TAOK3: variants seen among roughly 807,000 people sequenced by gnomAD.
TAOK3 encodes the protein TAO kinase 3.
A neutral mutation model predicts 120.4 loss-of-function variants in TAOK3; 40 were observed. The ratio of observed to expected loss-of-function variants is 0.33; its 90% CI spans 0.26 to 0.43. TAOK3 has a LOEUF of 0.43. Among genes scored for constraint, TAOK3 ranks in the 20% least tolerant of loss-of-function variants. The pLI is 1.00. For synonymous variants in TAOK3, 355 were observed against 387.5 expected, an observed-to-expected ratio of 0.92 and a Z score of 0.99; for missense variants, 821 against 1,112.1, an observed-to-expected ratio of 0.74 and a Z score of 3.72.
chr12:118,235,446 G>T, intron 8 of TAOK3, 112 bp downstream of exon 8: 2 of 710,330 alleles, frequency 2.8e-6, no homozygotes, highest in Non-Finnish European at 2.4e-6. Flanking sequence ...ATGAAACCTC[G>T]TTTTGAGGCA....
Position 118,353,839 on chromosome 12 carries a change from T to C in TAOK3, c.-194+18809A>G, listed in dbSNP as rs531178291. On this transcript the variant is annotated intron_variant, in intron 1 of 20. Transcript: ENST00000392533. ...ATTAACACCCTGAAATTTTAAACAC[T>C]AAAAGTATATTCACAACGGCTAAAC... Among the ~76,000 whole-genome samples, 9 of 152,240 alleles carry C rather than the reference T, an allele frequency of 5.9e-5. No homozygotes were observed. In the East Asian group the frequency reaches 1.2e-3, roughly 20 times the overall value.
chr12:118,212,993 G>A lies in TAOK3; in HGVS notation c.740C>T (p.Thr247Ile). The change falls in exon 11 of 21, where the codon ACA becomes ATA. Residue 247 changes from threonine (T) to isoleucine (I), a missense_variant and splice_region_variant. Coordinates refer to ENST00000392533, the MANE Select transcript of TAOK3 (RefSeq NM_016281.4). ...DSPTLQSNEW[T>I]DSFRRFVDYC... The stretch of plus-strand genomic sequence containing the variant: ...ATCAACAAATCTCCTAAAGGAGTCT[G>A]TCCTGTGTGTGCAAATACACAAAAG... The A allele has an allele frequency of 1.9e-6, 3 of 1,599,718 alleles. No individual in the cohort carries two copies. Among genetic ancestry groups the A allele is most frequent in the Non-Finnish European group, 2.6e-6 (3 of 1,174,142 alleles).
At chr12:118,199,891 C>T (rs1012281472) in intron 12 of TAOK3, 2 of 152,218 alleles carry the variant, frequency 1.3e-5, no homozygotes, top group East Asian at 3.8e-4. Flanking sequence ...CATTACTGGC[C>T]CAAAGACTAC....
intron 7 of TAOK3, among the ~76,000 whole-genome samples, chr12:118,237,004 T>A (rs1268276954): frequency 6.6e-6 from 1 of 152,172 alleles, no homozygotes; most frequent in East Asian, 1.9e-4. Flanking sequence ...ACAAGCAAGT[T>A]GGCAGTAGTA....
chr12:118,260,241 G>A (rs893305744), intron 2 of TAOK3, among the ~76,000 whole-genome samples: 12 of 152,178 alleles, frequency 7.9e-5, no homozygotes, highest in Admixed American at 2.6e-4. Flanking sequence ...TGATCCTCCC[G>A]GCTCTGCCTC....
chr12:118,216,574 G>A (rs1362633343), intron 9 of TAOK3, among the ~76,000 whole-genome samples: 2 of 152,274 alleles, frequency 1.3e-5, no homozygotes, highest in South Asian at 2.1e-4. Flanking sequence ...AAAGAAACAA[G>A]GCTCTAGTTC....
chr12:118,304,963 T>C (rs1298743439), intron 1 of TAOK3, among the ~76,000 whole-genome samples: 1 of 152,178 alleles, frequency 6.6e-6, no homozygotes, highest in Non-Finnish European at 1.5e-5. Flanking sequence ...AAAGCAACCA[T>C]GGTTAAGAAC....
At position 118,257,095 on chromosome 12, in the gene TAOK3, A is replaced by G. The variant is rs145397616; in HGVS notation, c.-88-1440T>C. On this transcript the variant is annotated intron_variant, in intron 2 of 20. Transcript: ENST00000392533. Reference sequence around the variant, plus strand: ...TTACTGTCTTAATTTTATAGAACCAACTAAGACTTTGATGGGCTAAACTAC... The same window carrying G: ...TTACTGTCTTAATTTTATAGAACCAGCTAAGACTTTGATGGGCTAAACTAC... Among the ~76,000 whole-genome samples, 1,081 of 152,318 alleles carry G rather than the reference A, an allele frequency of 7.1e-3. 7 individuals are homozygous for G. Among genetic ancestry groups the G allele is most frequent in the Middle Eastern group, 0.017 (5 of 294 alleles).
rs1446681934 is a variant in TAOK3 at position 118,182,618 on chromosome 12, TA to T, written c.1330-1012del. On this transcript the variant is annotated intron_variant, in intron 14 of 20. Transcript: ENST00000392533. ...GTGTGTGTATATATATATATATATA[TA>T]TATATTTTTTTTTTTTTTTAAGGAT... Among the ~76,000 whole-genome samples, 285 of 94,288 alleles carry T rather than the reference TA, an allele frequency of 3.0e-3. 1 individual carries two copies. Among genetic ancestry groups the T allele is most frequent in the African/African-American group, 0.012 (260 of 20,970 alleles). 61.9% of individuals were successfully genotyped at this position (94,288 alleles called of 152,430 possible).
At chr12:118,208,652 C>T (rs1453873460) in intron 11 of TAOK3, among the ~76,000 whole-genome samples, 1 of 152,066 alleles carries the variant, frequency 6.6e-6, no homozygotes, top group African/African-American at 2.4e-5. Flanking sequence ...CAATATCTAT[C>T]TAAATTTAAA....
At chr12:118,223,280 C>T (rs1469646361) in intron 9 of TAOK3, among the ~76,000 whole-genome samples, 6 of 151,382 alleles carry the variant, frequency 4.0e-5, no homozygotes, top group African/African-American at 7.3e-5. Context: ...ACTGTGGTCT[C>T]GATCTCCTAA....
At chr12:118,264,589 G>A (rs963594557) in intron 2 of TAOK3, among the ~76,000 whole-genome samples, 2 of 152,154 alleles carry the variant, frequency 1.3e-5, no homozygotes, top group Non-Finnish European at 2.9e-5. Context: ...GGAGTAGGTA[G>A]GAGGGGCTAA....
Position 118,246,566 on chromosome 12 carries a change from C to A in TAOK3, c.121-1601G>T, listed in dbSNP as rs1027414735. 1.0e-5 allele frequency: 16 copies of A among 1,564,146 alleles called. No homozygotes were observed. In the Admixed American group the frequency reaches 2.5e-4, roughly 25 times the overall value. ...GGGCCATCATCCTGGCCAAGCTCTC[C>A]ATTGTCCCCGTGCGCAGAGGCTACT... On this transcript the variant is annotated intron_variant, in intron 3 of 20. Coordinates refer to ENST00000392533, the MANE Select transcript of TAOK3 (RefSeq NM_016281.4).
Position 118,255,661 on chromosome 12 carries a change from G to T in TAOK3, c.-88-6C>A. 7.8e-7 allele frequency: 1 copy of T among 1,287,048 alleles called. No individual in the cohort carries two copies. Among genetic ancestry groups the T allele is most frequent in the East Asian group, 2.4e-5 (1 of 41,036 alleles). 79.7% of individuals were successfully genotyped at this position (1,287,048 alleles called of 1,614,324 possible). A position where few individuals can be genotyped will look rare whatever the true frequency, so the allele number is the denominator to read the frequency against. On this transcript the variant is annotated splice_region_variant and splice_polypyrimidine_tract_variant and intron_variant, in intron 2 of 20. Transcript: ENST00000392533. ...GGGGGGTAAATCTTCAGTACCTGTA[G>T]AAAAATAAGGTTTGCCATTAAATTA...
intron 2 of TAOK3, among the ~76,000 whole-genome samples, chr12:118,265,421 C>T (rs1357360273): frequency 1.4e-5 from 2 of 144,870 alleles, no homozygotes; most frequent in African/African-American, 5.0e-5. Flanking sequence ...AAAAGCTATT[C>T]TGAATATCAG....
At chr12:118,260,330 A>T (rs2041171777) in intron 2 of TAOK3, among the ~76,000 whole-genome samples, 1 of 152,142 alleles carries the variant, frequency 6.6e-6, no homozygotes. Context: ...AAAGGATGAA[A>T]TTATTTCCAA....
intron 14 of TAOK3, among the ~76,000 whole-genome samples, chr12:118,183,366 T>C (rs1280803217): frequency 2.0e-5 from 3 of 152,168 alleles, no homozygotes; most frequent in Non-Finnish European, 4.4e-5. Flanking sequence ...CTTTGAAACC[T>C]TTCCAGTTGA....
intron 9 of TAOK3, among the ~76,000 whole-genome samples, chr12:118,227,267 A>G (rs1593225503): frequency 7.6e-6 from 1 of 132,444 alleles, no homozygotes; most frequent in Non-Finnish European, 1.6e-5. Flanking sequence ...ATATAAAATT[A>G]TGTTATAATT....
chr12:118,348,258 G>A (rs896805853), intron 1 of TAOK3, among the ~76,000 whole-genome samples: 1 of 152,106 alleles, frequency 6.6e-6, no homozygotes, highest in African/African-American at 2.4e-5. Context: ...ATTCTATTTT[G>A]CCTTTAAAGG....
Sources: allele counts gnomAD v4.1 joint callset (sites outside exome capture counted in the v4.1 genomes callset), GRCh38; gene constraint gnomAD v4.1.1; transcripts MANE v1.5; gene names NCBI Gene and HGNC (gene_info 2026-07-23, HGNC 2026-07-21).